The following DLGAP1 variants were observed in gnomAD, a reference collection of about 807,000 sequenced individuals.
DLGAP1 encodes disks large-associated protein 1.
A neutral mutation model predicts 90.8 loss-of-function variants in DLGAP1; 11 were observed. The ratio of observed to expected loss-of-function variants is 0.12; its 90% confidence interval spans 0.08 to 0.20. The LOEUF (loss-of-function observed/expected upper bound fraction) is 0.20. DLGAP1 is among the 10% of genes least tolerant of loss of function. DLGAP1 has a pLI of 1.00. For missense variants in DLGAP1, 1,050 were observed against 1,333.8 expected (o/e 0.79, Z 3.31); for synonymous variants, 558 against 540.7 (o/e 1.03, Z -0.44).
chr18:4,080,480 T>A (rs2075589559), intron 2 of DLGAP1, among the ~76,000 whole-genome samples: 1 of 151,184 alleles, frequency 6.6e-6, no homozygotes, highest in Non-Finnish European at 1.5e-5. Flanking sequence ...GGAAACATGA[T>A]AATAGCTGCA....
At chr18:4,348,000 A>C (rs958745701) in intron 1 of DLGAP1, among the ~76,000 whole-genome samples, 1 of 152,160 alleles carries the variant, frequency 6.6e-6, no homozygotes, top group Non-Finnish European at 1.5e-5. Flanking sequence ...TTAAGATATT[A>C]ATCCTTCATG....
chr18:4,118,557 G>A (rs937774872), intron 2 of DLGAP1, among the ~76,000 whole-genome samples: 3 of 152,106 alleles, frequency 2.0e-5, no homozygotes, highest in Admixed American at 6.5e-5. Flanking sequence ...AGTCACCCCC[G>A]CCTACAATGG....
intron 1 of DLGAP1, among the ~76,000 whole-genome samples, chr18:4,255,990 A>G (rs1817359880): frequency 6.6e-6 from 1 of 152,202 alleles, no homozygotes; most frequent in South Asian, 2.1e-4. Flanking sequence ...GTGTAAGAAC[A>G]AGGACTGAAG....
chr18:3,978,777 T>C (rs2073657123), intron 3 of DLGAP1, among the ~76,000 whole-genome samples: 1 of 152,250 alleles, frequency 6.6e-6, no homozygotes, highest in Admixed American at 6.5e-5. Flanking sequence ...CCCTAGTTTT[T>C]TTATGGGTTG....
intron 5 of DLGAP1, among the ~76,000 whole-genome samples, chr18:3,808,718 C>T (rs1467491494): frequency 2.6e-5 from 4 of 151,820 alleles, no homozygotes; most frequent in South Asian, 2.1e-4. Flanking sequence ...AAAAGGAAAA[C>T]GAGGAGCAGT....
At chr18:3,510,390 T>A (rs181688523) in intron 10 of DLGAP1, among the ~76,000 whole-genome samples, 1 of 152,214 alleles carries the variant, frequency 6.6e-6, no homozygotes, top group Non-Finnish European at 1.5e-5. Context: ...ACCTCTTCTA[T>A]GGGTGTGCCC....
chr18:4,064,184 T>C (rs929381665), intron 2 of DLGAP1, among the ~76,000 whole-genome samples: 2 of 152,134 alleles, frequency 1.3e-5, no homozygotes, highest in African/African-American at 4.8e-5. Flanking sequence ...TGAATTCTCA[T>C]TTAAATTAGA....
At chr18:4,161,325 T>C (rs1244401346) in intron 1 of DLGAP1, among the ~76,000 whole-genome samples, 3 of 152,150 alleles carry the variant, frequency 2.0e-5, no homozygotes, top group Non-Finnish European at 2.9e-5. Flanking sequence ...CTCCCACTTA[T>C]GAATGAAAAC....
intron 7 of DLGAP1, among the ~76,000 whole-genome samples, chr18:3,662,783 C>A (rs1040656134): frequency 2.0e-5 from 3 of 152,174 alleles, no homozygotes; most frequent in Non-Finnish European, 4.4e-5. Context: ...TAATGCCTGG[C>A]GTATAGCTGT....
intron 1 of DLGAP1, among the ~76,000 whole-genome samples, chr18:4,205,235 G>GA (rs959146613): frequency 9.2e-5 from 14 of 152,268 alleles, no homozygotes; most frequent in South Asian, 2.1e-4. Flanking sequence ...AGTAGTATCA[G>GA]AAAAAACCAC....
At position 3,992,676 on chromosome 18, in the gene DLGAP1, C is replaced by CTAAA. The variant is rs553164717; in HGVS notation, c.-73+12436_-73+12439dup. 5.2e-4 allele frequency among the ~76,000 whole-genome samples: 79 copies of CTAAA among 152,052 alleles called. 1 individual carries two copies. Among genetic ancestry groups the CTAAA allele is most frequent in the South Asian group, 3.7e-3 (18 of 4,810 alleles). ...CTGGTGACAGAGCCAGACCCTGTCT[C>CTAAA]TAAATAAATAAATAAATAAATGGAG... On this transcript the variant is annotated intron_variant, in intron 3 of 12. Coordinates refer to ENST00000315677, the MANE Select transcript of DLGAP1 (RefSeq NM_004746.4).
intron 1 of DLGAP1, among the ~76,000 whole-genome samples, chr18:4,332,485 CAT>C (rs60952672): frequency 0.46 from 69,428 of 151,134 alleles, 16,777 homozygotes; most frequent in South Asian, 0.59. Flanking sequence ...AATAAAAACA[CAT>C]GTTAATGATA....
intron 3 of DLGAP1, among the ~76,000 whole-genome samples, chr18:3,890,755 G>T (rs969478885): frequency 9.9e-5 from 15 of 152,200 alleles, no homozygotes; most frequent in South Asian, 2.1e-4. Flanking sequence ...TAGGGACAGG[G>T]TCTTGCTGTA....
At chr18:4,310,932 G>A (rs1311159215) in intron 1 of DLGAP1, among the ~76,000 whole-genome samples, 1 of 152,116 alleles carries the variant, frequency 6.6e-6, no homozygotes, top group Non-Finnish European at 1.5e-5. Flanking sequence ...AACACCGTAG[G>A]TGCCTTACAG....
Position 4,295,853 on chromosome 18 carries a change from G to A in DLGAP1, c.-266-144566C>T, listed in dbSNP as rs181200605. Among the ~76,000 whole-genome samples, 9 of 152,306 alleles carry A rather than the reference G, an allele frequency of 5.9e-5. No homozygotes were observed. The East Asian group carries it at 1.7e-3, about 29-fold the overall frequency. Reference sequence around the variant, plus strand: ...ATTATCATCTTATTGTTTCCTGAAAGGCCTCCAGCTATGCTTGTTAAGAAA... The same window carrying A: ...ATTATCATCTTATTGTTTCCTGAAAAGCCTCCAGCTATGCTTGTTAAGAAA... On this transcript the variant is annotated intron_variant, in intron 1 of 12. Transcript: ENST00000315677.
chr18:3,896,275 C>G (rs2071621495), intron 3 of DLGAP1: 1 of 152,202 alleles, frequency 6.6e-6, no homozygotes, highest in African/African-American at 2.4e-5. Context: ...TATTCCTGCT[C>G]CTCAATAGCT....
intron 3 of DLGAP1, among the ~76,000 whole-genome samples, chr18:3,897,538 C>T (rs932530180): frequency 2.0e-5 from 3 of 152,098 alleles, no homozygotes; most frequent in Non-Finnish European, 4.4e-5. Flanking sequence ...GGGAGACAGA[C>T]AATAAACAAA....
At position 4,383,553 on chromosome 18, in the gene DLGAP1, A is replaced by G. The variant is rs981851544; in HGVS notation, c.-267+71453T>C. On this transcript the variant is annotated intron_variant, in intron 1 of 12. Coordinates refer to ENST00000315677, the MANE Select transcript of DLGAP1 (RefSeq NM_004746.4). The surrounding 1 kb of genome is among the most constrained non-coding windows in gnomAD (Gnocchi z 4.0). ...CTATCAGTTACTGAACAAGCTCTGTATGCACTTAGACAAAACCGAGTATCC... is the reference window on the plus strand; with the variant it reads ...CTATCAGTTACTGAACAAGCTCTGTGTGCACTTAGACAAAACCGAGTATCC... Among the ~76,000 whole-genome samples, 1 of 152,084 alleles carries G rather than the reference A, an allele frequency of 6.6e-6. No individual in the cohort carries two copies.
chr18:4,074,589 T>C (rs929955683), intron 2 of DLGAP1, among the ~76,000 whole-genome samples: 1 of 152,178 alleles, frequency 6.6e-6, no homozygotes, highest in African/African-American at 2.4e-5. Context: ...CAGCCACTTA[T>C]GTCATCATGC....
Sources: allele counts gnomAD v4.1 joint callset (sites outside exome capture counted in the v4.1 genomes callset), GRCh38; gene constraint gnomAD v4.1.1; non-coding constraint Gnocchi (gnomAD v3.1); transcripts MANE v1.5; gene names NCBI Gene and HGNC (gene_info 2026-07-23, HGNC 2026-07-21).